Variants in LAMB3 observed in about 807,000 individuals in gnomAD.
LAMB3 encodes the protein laminin subunit beta 3, also known as laminin subunit beta-3.
A neutral mutation model predicts 140.3 loss-of-function variants in LAMB3; 104 were observed. That is an observed-to-expected ratio of 0.74 (90% confidence interval 0.63 to 0.87). LAMB3 has a LOEUF of 0.87. Among genes scored for constraint, LAMB3 ranks in the 40% least tolerant of loss-of-function variants. LAMB3 has a pLI of 0.00. For synonymous variants in LAMB3, 592 were observed against 602.9 expected (o/e 0.98, Z 0.26); for missense variants, 1,531 against 1,575.2 (o/e 0.97, Z 0.47).
At chr1:209,639,256 C>T (rs2076442145) in intron 3 of LAMB3, among the ~76,000 whole-genome samples, 1 of 152,154 alleles carries the variant, frequency 6.6e-6, no homozygotes, top group Admixed American at 6.5e-5. Flanking sequence ...GCTTATTTAG[C>T]ATATACTATG....
chr1:209,619,800 A>G (rs1349816126), intron 18 of LAMB3, among the ~76,000 whole-genome samples: 1 of 152,208 alleles, frequency 6.6e-6, no homozygotes, highest in Non-Finnish European at 1.5e-5. Context: ...AGCTGGTCAC[A>G]CAGGTCTCAT....
Position 209,634,845 on chromosome 1 carries a change from T to C in LAMB3, c.373-207A>G, listed in dbSNP as rs543294749. Among the ~76,000 whole-genome samples the C allele has an allele frequency of 2.0e-5, 3 of 152,190 alleles. No homozygotes were observed. The East Asian group carries it at 5.8e-4, about 30-fold the overall frequency. On this transcript the variant is annotated intron_variant, in intron 5 of 22. Transcript: ENST00000356082. Reference sequence around the variant, plus strand: ...GGATCTGCCTTCCAGGAGTGATCCCTAGCTCAGCTCACCAGGCTTCCAGGA... The same window carrying C: ...GGATCTGCCTTCCAGGAGTGATCCCCAGCTCAGCTCACCAGGCTTCCAGGA...
intron 11 of LAMB3, 23 bp from the exon 12 acceptor site, chr1:209,627,602 C>T (rs1666515724): frequency 6.2e-7 from 1 of 1,610,934 alleles, no homozygotes; most frequent in Admixed American, 1.7e-5. Flanking sequence ...AGCTGCTGAG[C>T]TCAGGCAGAC....
chr1:209,645,792 GATC>G (rs1480078555), intron 3 of LAMB3, among the ~76,000 whole-genome samples: 1 of 151,492 alleles, frequency 6.6e-6, no homozygotes, highest in African/African-American at 2.4e-5. Context: ...TGAGTACAGG[GATC>G]ATAGTACATA....
chr1:209,632,042 C>T (rs1666709748), intron 8 of LAMB3, among the ~76,000 whole-genome samples: 1 of 152,198 alleles, frequency 6.6e-6, no homozygotes, highest in Admixed American at 6.5e-5. Context: ...GCTTGTTAAA[C>T]TGGAACGTCT....
Position 209,616,569 on chromosome 1 carries a change from C to T in LAMB3, c.3284G>A (p.Ser1095Asn), listed in dbSNP as rs1222827232. The T allele has an allele frequency of 6.2e-7, 1 of 1,614,186 alleles. No homozygotes were observed. Reference sequence around the variant, plus strand: ...GGCACCCTGCTCACCCAGCATGGAACTCTGACCCAACCGGTCCTTCAACTC... The same window carrying T: ...GGCACCCTGCTCACCCAGCATGGAATTCTGACCCAACCGGTCCTTCAACTC... ...YAELKDRLGQ[S>N]SMLGEQGARI... is the part of the protein sequence containing the mutation. The change falls in exon 22 of 23, where the codon AGT (serine) becomes AAT (asparagine). Residue 1095 changes from serine (S) to asparagine (N), a missense_variant. Coordinates refer to ENST00000356082, the MANE Select transcript of LAMB3 (RefSeq NM_000228.3).
In LAMB3 at chr1:209,633,146, G is replaced by A; in HGVS notation, c.565-13C>T. 1 of 1,601,916 alleles carries A rather than the reference G, an allele frequency of 6.2e-7. No homozygotes were observed. Among genetic ancestry groups the A allele is most frequent in the Non-Finnish European group, 8.6e-7 (1 of 1,168,938 alleles). Reference sequence around the variant, plus strand: ...GGTTAAGTTGGACCTACAGAGGGAAGGGAAAGAGAAGCGCTGAAGAAGAGA... The same window carrying A: ...GGTTAAGTTGGACCTACAGAGGGAAAGGAAAGAGAAGCGCTGAAGAAGAGA... On this transcript the variant is annotated splice_polypyrimidine_tract_variant and intron_variant, in intron 6 of 22. Coordinates refer to ENST00000356082, the MANE Select transcript of LAMB3 (RefSeq NM_000228.3).
intron 3 of LAMB3, among the ~76,000 whole-genome samples, chr1:209,640,966 C>T (rs899079258): frequency 6.6e-5 from 10 of 151,826 alleles, no homozygotes; most frequent in Non-Finnish European, 1.0e-4. Flanking sequence ...CCCTGTAGTC[C>T]CAGCTACTCT....
chr1:209,650,235 G>A, intron 2 of LAMB3, 117 bp from the exon 3 acceptor site: 1 of 965,836 alleles, frequency 1.0e-6, no homozygotes, highest in Non-Finnish European at 1.6e-6. Context: ...CCTCACTCAA[G>A]CTTCCACTCG....
intron 19 of LAMB3, 133 bp downstream of exon 19, chr1:209,618,319 G>T: frequency 1.0e-6 from 1 of 973,408 alleles, no homozygotes; most frequent in Non-Finnish European, 1.6e-6. Context: ...TGGACTCTGT[G>T]TACCACTCTC....
At chr1:209,651,602 A>G (rs1415736493) in intron 1 of LAMB3, among the ~76,000 whole-genome samples, 4 of 152,190 alleles carry the variant, frequency 2.6e-5, no homozygotes, top group African/African-American at 9.7e-5. Context: ...GTTTCTTCTG[A>G]AAGGGAAGCA....
intron 3 of LAMB3, among the ~76,000 whole-genome samples, chr1:209,643,869 T>C (rs61822214): frequency 0.25 from 38,101 of 151,988 alleles, 6,371 homozygotes; most frequent in Non-Finnish European, 0.37. Flanking sequence ...TCCACATTCC[T>C]ATTGGTGAAA....
Position 209,636,220 on chromosome 1 carries a change from T to G in LAMB3, c.373-1582A>C, listed in dbSNP as rs189797126. 1.7e-4 allele frequency among the ~76,000 whole-genome samples: 26 copies of G among 152,318 alleles called. No homozygotes were observed. The East Asian group carries it at 5.0e-3, about 29-fold the overall frequency. ...ACCAGGATTTCTCAACCGTTCTCAC[T>G]GTTAAAGTATTGAGTTGGAGAAATC... is the stretch of plus-strand genomic sequence containing the variant. On this transcript the variant is annotated intron_variant, in intron 5 of 22. Coordinates refer to ENST00000356082, the MANE Select transcript of LAMB3 (RefSeq NM_000228.3).
At chr1:209,634,674 C>A in intron 5 of LAMB3, 36 bp from the exon 6 acceptor site, 1 of 1,560,520 alleles carries the variant, frequency 6.4e-7, no homozygotes, top group Non-Finnish European at 8.8e-7. Context: ...AGGGGAGGCA[C>A]TGGGGCTGTG....
intron 14 of LAMB3, 151 bp downstream of exon 14, chr1:209,625,497 C>A: frequency 1.9e-6 from 2 of 1,052,514 alleles, no homozygotes; most frequent in Non-Finnish European, 2.9e-6. Context: ...ACCAGCCTCA[C>A]AGGACTGTTG....
rs1299516456 is a variant in LAMB3 at position 209,625,995 on chromosome 1, G to C, written c.1629C>G (p.Gly543=). ...GGCCTGATGCCTTGTCGCAGCCCGG[G>C]CCCTCTGTTCCCCGGAAATCACAGT... is the stretch of plus-strand genomic sequence containing the variant. ...ACDCDFRGTE[G]PGCDKASGRC... Residue 543 remains glycine, a synonymous_variant, in exon 14 of 23, where the codon GGC becomes GGG. Coordinates refer to ENST00000356082, the MANE Select transcript of LAMB3 (RefSeq NM_000228.3). 1 of 1,613,286 alleles carries C rather than the reference G, an allele frequency of 6.2e-7. No individual in the cohort carries two copies. Among genetic ancestry groups the C allele is most frequent in the Admixed American group, 1.7e-5 (1 of 59,984 alleles).
intron 21 of LAMB3, among the ~76,000 whole-genome samples, chr1:209,617,089 C>T (rs981389595): frequency 5.3e-5 from 8 of 152,180 alleles, no homozygotes; most frequent in African/African-American, 1.9e-4. Flanking sequence ...GGCTGGGAAT[C>T]CAAGAGACAA....
Position 209,623,524 on chromosome 1 carries a change from A to G in LAMB3, c.2339T>C (p.Leu780Pro), listed in dbSNP as rs1275552353. The change falls in exon 16 of 23, where the codon CTG (leucine) becomes CCG (proline). Residue 780 changes from leucine to proline, a missense_variant. Physicochemically the swap from Leu to Pro is moderately conservative, Grantham distance 98. Transcript: ENST00000356082. This position sits in a 1 kb window ranked among gnomAD's most constrained non-coding sequence, Gnocchi z 4.2. ...LRLEMSSLPD[L>P]TPTFNKLCGN... ...AGTCACCTTGTTGAAGGTGGGTGTC[A>G]GGTCAGGCAACGAAGACATCTCCAG... 1.9e-6 allele frequency: 3 copies of G among 1,614,098 alleles called. No individual in the cohort carries two copies. The highest frequency in any genetic ancestry group is 2.5e-6 in the Non-Finnish European group (3 of 1,180,034).
rs1307226056 is a variant in LAMB3, at chr1:209,617,415, G to T, written c.3223C>A (p.Gln1075Lys). 1.2e-6 allele frequency: 2 copies of T among 1,612,288 alleles called. No homozygotes were observed. The highest frequency in any genetic ancestry group is 2.7e-5 in the African/African-American group (2 of 74,866). ...TAACTCCGCCTTCTCTGTACCTCTTGGGCACTCAATGCCTGCTCGCTGGCA... is the reference window on the plus strand; with the variant it reads ...TAACTCCGCCTTCTCTGTACCTCTTTGGCACTCAATGCCTGCTCGCTGGCA... ...EGASEQALSAQEGFERIKQKY... is the reference protein window; with the variant it reads ...EGASEQALSAKEGFERIKQKY... Residue 1075 changes from glutamine to lysine, a missense_variant, in exon 21 of 23, where the codon CAA becomes AAA. Transcript: ENST00000356082.
Sources: allele counts gnomAD v4.1 joint callset (sites outside exome capture counted in the v4.1 genomes callset), GRCh38; gene constraint gnomAD v4.1.1; non-coding constraint Gnocchi (gnomAD v3.1); transcripts MANE v1.5; gene names NCBI Gene and HGNC (gene_info 2026-07-23, HGNC 2026-07-21).